Variants in DPYD observed in about 807,000 individuals in gnomAD.
The protein encoded by DPYD is dihydropyrimidine dehydrogenase [NADP(+)].
Under a neutral mutation model 116.2 loss-of-function variants are expected in DPYD, and 109 were observed. The observed-to-expected ratio is 0.94, with a 90% CI of 0.80 to 1.10. DPYD has a LOEUF of 1.10. Among genes scored for constraint, DPYD ranks in the 50% least tolerant of loss-of-function variants. DPYD has a pLI of 0.00. For missense variants in DPYD, 1,302 were observed against 1,254.5 expected (o/e 1.04, Z -0.57); for synonymous variants, 440 against 432.0 (o/e 1.02, Z -0.23).
intron 3 of DPYD, among the ~76,000 whole-genome samples, chr1:97,823,532 C>T (rs1015200854): frequency 1.3e-5 from 2 of 152,216 alleles, no homozygotes; most frequent in South Asian, 4.1e-4. Flanking sequence ...CACTATTCTA[C>T]TCTCTACTTC....
At chr1:97,648,545 T>TA (rs202124412) in intron 8 of DPYD, among the ~76,000 whole-genome samples, 63 of 151,010 alleles carry the variant, frequency 4.2e-4, no homozygotes, top group African/African-American at 8.0e-4. Context: ...AACACTTTAT[T>TA]AAAAAAAAAG....
intron 20 of DPYD, among the ~76,000 whole-genome samples, chr1:97,142,971 A>G (rs544945849): frequency 7.9e-5 from 12 of 152,204 alleles, no homozygotes; most frequent in South Asian, 2.1e-4. Context: ...GAGGAAATAT[A>G]GAAAAGAAAA....
At chr1:97,505,426 G>A (rs1189453123) in intron 13 of DPYD, among the ~76,000 whole-genome samples, 4 of 150,248 alleles carry the variant, frequency 2.7e-5, no homozygotes, top group African/African-American at 7.3e-5. Context: ...CTAGAATAAA[G>A]ACAGTTCAAA....
chr1:97,663,341 G>A (rs2100873823), intron 8 of DPYD, among the ~76,000 whole-genome samples: 1 of 152,244 alleles, frequency 6.6e-6, no homozygotes, highest in African/African-American at 2.4e-5. Flanking sequence ...TTGGTCAAAA[G>A]AAGTGTTGAA....
At chr1:97,222,893 T>C (rs1237533860) in intron 19 of DPYD, among the ~76,000 whole-genome samples, 3 of 152,072 alleles carry the variant, frequency 2.0e-5, no homozygotes, top group African/African-American at 7.2e-5. Flanking sequence ...TTTACTACAT[T>C]TGTTACCCTC....
chr1:97,621,391 G>A (rs80345826), intron 8 of DPYD, among the ~76,000 whole-genome samples: 2,592 of 152,104 alleles, frequency 0.017, 36 homozygotes, highest in South Asian at 0.03. Context: ...AATGGTCTAC[G>A]TGGTGATGAA....
At chr1:97,118,939 A>G (rs1406378207) in intron 20 of DPYD, among the ~76,000 whole-genome samples, 1 of 152,200 alleles carries the variant, frequency 6.6e-6, no homozygotes, top group Non-Finnish European at 1.5e-5. Context: ...GGAAAGAAAA[A>G]AAATAATGGA....
chr1:97,214,361 G>A (rs972666355), intron 19 of DPYD, among the ~76,000 whole-genome samples: 2 of 152,154 alleles, frequency 1.3e-5, no homozygotes, highest in Non-Finnish European at 2.9e-5. Context: ...ATTTCTGAAA[G>A]TCTCTGTTTC....
At chr1:97,088,769 A>C (rs1188061248) in intron 21 of DPYD, among the ~76,000 whole-genome samples, 1 of 152,062 alleles carries the variant, frequency 6.6e-6, no homozygotes, top group Non-Finnish European at 1.5e-5. Flanking sequence ...CAGGAATCAC[A>C]TTTCTACAAA....
At chr1:97,813,380 G>T (rs781747988) in intron 3 of DPYD, among the ~76,000 whole-genome samples, 28 of 151,892 alleles carry the variant, frequency 1.8e-4, no homozygotes, top group Non-Finnish European at 3.1e-4. Context: ...AGAGGATGAA[G>T]AAATGAAATA....
At chr1:97,673,094 G>T (rs866601440) in intron 8 of DPYD, among the ~76,000 whole-genome samples, 83 of 151,782 alleles carry the variant, frequency 5.5e-4, no homozygotes, top group African/African-American at 1.5e-3. Context: ...ATGGATATTT[G>T]CACTTGTTAT....
At chr1:97,082,214 G>T in intron 22 of DPYD, 116 bp downstream of exon 22, 4 of 1,249,220 alleles carry the variant, frequency 3.2e-6, no homozygotes, top group Non-Finnish European at 4.7e-6. Context: ...TGTTGCAGAA[G>T]AGCAATATTT....
chr1:97,869,360 T>G (rs1219983567), intron 2 of DPYD, among the ~76,000 whole-genome samples: 1 of 151,798 alleles, frequency 6.6e-6, no homozygotes, highest in Non-Finnish European at 1.5e-5. Context: ...TATTCCTATC[T>G]TCTAGGAAAG....
intron 8 of DPYD, among the ~76,000 whole-genome samples, chr1:97,635,080 T>C (rs1657486428): frequency 6.6e-6 from 1 of 151,974 alleles, no homozygotes; most frequent in African/African-American, 2.4e-5. Context: ...TTGAGAGTGA[T>C]GCCTCTGAAG....
intron 19 of DPYD, among the ~76,000 whole-genome samples, chr1:97,214,821 A>C (rs566040071): frequency 4.5e-4 from 69 of 152,276 alleles, no homozygotes; most frequent in Non-Finnish European, 7.5e-4. Context: ...TCAGTAATGC[A>C]TTACCTTGTA....
At chr1:97,085,728 C>T (rs981985801) in intron 21 of DPYD, among the ~76,000 whole-genome samples, 1 of 152,086 alleles carries the variant, frequency 6.6e-6, no homozygotes, top group Non-Finnish European at 1.5e-5. Context: ...ATCAGTAAGT[C>T]ACATATGGCT....
At chr1:97,170,038 C>T (rs960643863) in intron 20 of DPYD, among the ~76,000 whole-genome samples, 2 of 152,196 alleles carry the variant, frequency 1.3e-5, no homozygotes, top group Admixed American at 6.5e-5. Context: ...TAGGTATCCT[C>T]TAGGGAACTT....
intron 14 of DPYD, among the ~76,000 whole-genome samples, chr1:97,427,171 TTA>T (rs1674918355): frequency 2.0e-5 from 3 of 152,096 alleles, no homozygotes. Context: ...ATCCAAAGAT[TTA>T]TCTTTTATTG....
chr1:97,372,201 G>C (rs1036026266), intron 16 of DPYD, among the ~76,000 whole-genome samples: 1 of 152,116 alleles, frequency 6.6e-6, no homozygotes, highest in African/African-American at 2.4e-5. Flanking sequence ...TAAAACCTCC[G>C]TAGTTGTTTC....
Sources: gnomAD v4.1 joint callset for allele counts (sites outside exome capture counted in the v4.1 genomes callset) on GRCh38, gnomAD v4.1.1 for gene constraint, MANE v1.5 for transcripts, NCBI Gene and HGNC (gene_info 2026-07-23, HGNC 2026-07-21) for gene names.